Variants in AMIGO2 observed in about 807,000 individuals in gnomAD.
AMIGO2 encodes amphoterin-induced protein 2.
A neutral mutation model predicts 23.7 loss-of-function variants in AMIGO2; 15 were observed. The ratio of observed to expected loss-of-function variants is 0.63; its 90% confidence interval spans 0.42 to 0.98. The LOEUF (loss-of-function observed/expected upper bound fraction) is 0.98. Ranked by LOEUF, AMIGO2 falls within the 50% of genes least tolerant of loss-of-function variation. The pLI, the probability that AMIGO2 is intolerant of heterozygous loss-of-function variation, is 0.00. For synonymous variants in AMIGO2, 264 were observed against 252.3 expected, an observed-to-expected ratio of 1.05 and a Z score of -0.44; for missense variants, 561 against 633.1, an observed-to-expected ratio of 0.89 and a Z score of 1.22.
At position 47,078,213 on chromosome 12, in the gene AMIGO2, A is replaced by T. The variant is rs1172193077; in HGVS notation, c.790T>A (p.Ser264Thr). 1 of 1,614,080 alleles carries T rather than the reference A, an allele frequency of 6.2e-7. No homozygotes were observed. Among genetic ancestry groups the T allele is most frequent in the Admixed American group, 1.7e-5 (1 of 60,004 alleles). ...ACCTGACGCGAGTGCCTGGAGTCAG[A>T]CCACAGGCGACAGGTGTAATCGTTC... ...FKNDYTCRLWSDSRHSRQVLL... is the reference protein window; with the variant it reads ...FKNDYTCRLWTDSRHSRQVLL... The change falls in exon 3 of 3, where the codon TCT (serine) becomes ACT (threonine). Residue 264 changes from serine (S) to threonine (T), a missense_variant. Ser to Thr is a moderately conservative substitution (Grantham distance 58). Coordinates refer to ENST00000550413, the MANE Select transcript of AMIGO2 (RefSeq NM_001370299.1).
Position 47,078,230 on chromosome 12 carries a change from T to C in AMIGO2, c.773A>G (p.Tyr258Cys). 6.2e-7 allele frequency: 1 copy of C among 1,614,156 alleles called. No homozygotes were observed. Among genetic ancestry groups the C allele is most frequent in the Non-Finnish European group, 8.5e-7 (1 of 1,180,028 alleles). ...GGAGTCAGACCACAGGCGACAGGTG[T>C]AATCGTTCTTAAAATCCATCACTGA... ...FSSVMDFKNDYTCRLWSDSRH... is the reference protein window; with the variant it reads ...FSSVMDFKNDCTCRLWSDSRH... Residue 258 changes from tyrosine to cysteine, a missense_variant, in exon 3 of 3, where the codon TAC becomes TGC. Tyr to Cys is a radical substitution (Grantham distance 194). Coordinates refer to ENST00000550413, the MANE Select transcript of AMIGO2 (RefSeq NM_001370299.1).
At position 47,077,729 on chromosome 12, in the gene AMIGO2, T is replaced by C. The variant is rs1941877496; in HGVS notation, c.1274A>G (p.Lys425Arg). ...LYLYLTPCPCKCKTKRQKNML... is the reference protein window; with the variant it reads ...LYLYLTPCPCRCKTKRQKNML... ...ATTTTTCTGTCTCTTGGTTTTACACTTGCAGGGGCATGGAGTCAGATAGAG... is the reference window on the plus strand; with the variant it reads ...ATTTTTCTGTCTCTTGGTTTTACACCTGCAGGGGCATGGAGTCAGATAGAG... Residue 425 changes from lysine (K) to arginine (R), a missense_variant, in exon 3 of 3, where the codon AAG (lysine) becomes AGG (arginine). Coordinates refer to ENST00000550413, the MANE Select transcript of AMIGO2 (RefSeq NM_001370299.1). The C allele has an allele frequency of 1.2e-6, 2 of 1,614,216 alleles. No individual in the cohort carries two copies. Among genetic ancestry groups the C allele is most frequent in the South Asian group, 1.1e-5 (1 of 91,080 alleles).
In AMIGO2 at chr12:47,078,292, G is replaced by A. The variant is rs1490953347; in HGVS notation, c.711C>T (p.Tyr237=). 1.2e-6 allele frequency: 2 copies of A among 1,614,060 alleles called. No homozygotes were observed. Among genetic ancestry groups the A allele is most frequent in the Non-Finnish European group, 1.7e-6 (2 of 1,180,034 alleles). Residue 237 remains tyrosine (Y), a synonymous_variant, in exon 3 of 3, where the codon TAC becomes TAT. Coordinates refer to ENST00000550413, the MANE Select transcript of AMIGO2 (RefSeq NM_001370299.1). ...TACGATACCAAAAGACCAGCAAGGA[G>A]TACAGGGAACAGTCACAGACAAATG... ...GNPFVCDCSL[Y]SLLVFWYRRH...
rs765346570 is a variant in AMIGO2, at chr12:47,077,519, C to A, written c.1484G>T (p.Gly495Val). ...TTTCCCCCTCGTGGACTTTAGGATG[C>A]CCTCAGCTATCACTGCCTCGCTGGG... ...LFPSEAVIAE[G>V]ILKSTRGKSD... Residue 495 changes from glycine (G) to valine (V), a missense_variant, in exon 3 of 3, where the codon GGC becomes GTC. Transcript: ENST00000550413. 1 of 1,614,174 alleles carries A rather than the reference C, an allele frequency of 6.2e-7. No individual in the cohort carries two copies. Among genetic ancestry groups the A allele is most frequent in the Non-Finnish European group, 8.5e-7 (1 of 1,180,020 alleles).
In AMIGO2 at chr12:47,078,346, C is replaced by A; in HGVS notation, c.657G>T (p.Gln219His). The A allele has an allele frequency of 6.2e-7, 1 of 1,613,874 alleles. No homozygotes were observed. The highest frequency in any genetic ancestry group is 8.5e-7 in the Non-Finnish European group (1 of 1,180,030). The change falls in exon 3 of 3, where the codon CAG becomes CAT. Residue 219 changes from glutamine to histidine, a missense_variant. Transcript: ENST00000550413. The part of the protein sequence containing the change: ...MHHINLVPGK[Q>H]LRGIYLHGNP... ...TTCCATGAAGGTAGATGCCTCTCAG[C>A]TGTTTTCCTGGCACTAAATTTATGT...
At position 47,079,185 on chromosome 12, in the gene AMIGO2, A is replaced by C; in HGVS notation, c.-107T>G. 5 of 788,104 alleles carry C rather than the reference A, an allele frequency of 6.3e-6. No individual in the cohort carries two copies. The highest frequency in any genetic ancestry group is 5.7e-6 in the Non-Finnish European group (3 of 523,542). 48.8% of individuals were successfully genotyped at this position (788,104 alleles called of 1,614,324 possible). A position where few individuals can be genotyped will look rare whatever the true frequency, so the allele number is the denominator to read the frequency against. On this transcript the variant is annotated 5_prime_UTR_variant, in exon 2 of 3. In the 5' UTR this introduces an upstream ATG that the reference lacks. Transcript: ENST00000550413. ...ACTTTTGAAATGGGTTTTATTTCAC[A>C]ATAGGGAGCTCTGTGTTGCCTCTTC... is the stretch of plus-strand genomic sequence containing the variant.
At position 47,077,780 on chromosome 12, in the gene AMIGO2, G is replaced by C; in HGVS notation, c.1223C>G (p.Ala408Gly). The C allele has an allele frequency of 6.2e-7, 1 of 1,614,164 alleles. No homozygotes were observed. The highest frequency in any genetic ancestry group is 8.5e-7 in the Non-Finnish European group (1 of 1,180,020). The change falls in exon 3 of 3, where the codon GCC becomes GGC. Residue 408 changes from alanine (A) to glycine (G), a missense_variant. Transcript: ENST00000550413. ...TAFTTLAACV[A>G]SIVLVLLYLY... is the part of the protein sequence containing the mutation. Reference sequence around the variant, plus strand: ...GTACAAAAGTACCAAAACGATACTGGCCACGCAAGCAGCAAGAGTGGTAAA... The same window carrying C: ...GTACAAAAGTACCAAAACGATACTGCCCACGCAAGCAGCAAGAGTGGTAAA...
Position 47,077,809 on chromosome 12 carries a change from T to C in AMIGO2, c.1194A>G (p.Thr398=), listed in dbSNP as rs757948729. The C allele has an allele frequency of 6.2e-7, 1 of 1,614,212 alleles. No individual in the cohort carries two copies. The highest frequency in any genetic ancestry group is 2.2e-5 in the East Asian group (1 of 44,886). The change falls in exon 3 of 3, where the codon ACA becomes ACG. Residue 398 remains threonine (T), a synonymous_variant. Coordinates refer to ENST00000550413, the MANE Select transcript of AMIGO2 (RefSeq NM_001370299.1). ...SRSHAHEAFN[T]AFTTLAACVA... ...CGCAAGCAGCAAGAGTGGTAAAAGCTGTGTTAAATGCCTCATGAGCATGGG... is the reference window on the plus strand; with the variant it reads ...CGCAAGCAGCAAGAGTGGTAAAAGCCGTGTTAAATGCCTCATGAGCATGGG...
Position 47,078,944 on chromosome 12 carries a change from C to A in AMIGO2, c.59G>T (p.Cys20Phe), listed in dbSNP as rs111900491. The change falls in exon 3 of 3, where the codon TGC becomes TTC. Residue 20 changes from cysteine (C) to phenylalanine (F), a missense_variant. Physicochemically the swap from Cys to Phe is radical, Grantham distance 205 (BLOSUM62 -2). Coordinates refer to ENST00000550413, the MANE Select transcript of AMIGO2 (RefSeq NM_001370299.1). ...CATCAGCAAACACAGCAGCTCCCTG[C>A]AGCCCGGTCTGACGACGGCTCCAAG... ...TLLGAVVRPGCRELLCLLMIT... is the reference protein window; with the variant it reads ...TLLGAVVRPGFRELLCLLMIT... 1 of 1,614,034 alleles carries A rather than the reference C, an allele frequency of 6.2e-7. No individual in the cohort carries two copies. The highest frequency in any genetic ancestry group is 2.2e-5 in the East Asian group (1 of 44,870).
chr12:47,079,024 T>G lies in AMIGO2; in HGVS notation c.-22A>C. ...ACATTATGGTCGCCTCTGAGTCTCT[T>G]CCCGGTGTCTTTTCCACCGGCTCAG... On this transcript the variant is annotated 5_prime_UTR_variant, in exon 3 of 3. Coordinates refer to ENST00000550413, the MANE Select transcript of AMIGO2 (RefSeq NM_001370299.1). The G allele has an allele frequency of 6.5e-7, 1 of 1,539,524 alleles. No individual in the cohort carries two copies. Among genetic ancestry groups the G allele is most frequent in the Non-Finnish European group, 8.7e-7 (1 of 1,143,194 alleles).
intron 2 of AMIGO2, 38 bp downstream of exon 2, chr12:47,079,104 G>A (rs550075439): frequency 6.8e-7 from 1 of 1,475,104 alleles, no homozygotes; most frequent in East Asian, 2.3e-5. Context: ...GTAAAAAGCA[G>A]AAACTGACTA....
chr12:47,078,809 T>C lies in AMIGO2; in HGVS notation c.194A>G (p.Asn65Ser). 6.2e-7 allele frequency: 1 copy of C among 1,614,172 alleles called. No individual in the cohort carries two copies. The highest frequency in any genetic ancestry group is 8.5e-7 in the Non-Finnish European group (1 of 1,180,034). ...TNKNLSKVPG[N>S]LFRLIKRLDL... ...CAGTCTCTTAATCAGTCTGAAAAGG[T>C]TCCCAGGCACCTTGGACAGGTTTTT... is the stretch of plus-strand genomic sequence containing the variant. Residue 65 changes from asparagine to serine, a missense_variant, in exon 3 of 3, where the codon AAC (asparagine) becomes AGC (serine). Transcript: ENST00000550413.
downstream of AMIGO2, chr12:47,076,440 T>TAGTA (rs1555186119): frequency 6.6e-6 from 1 of 152,214 alleles, no homozygotes; most frequent in African/African-American, 2.4e-5. Context: ...AAAATCAACT[T>TAGTA]TAAGAATTTT....
Position 47,078,901 on chromosome 12 carries a change from G to A in AMIGO2, c.102C>T (p.Gly34=), listed in dbSNP as rs776926522. Reference sequence around the variant, plus strand: ...TGGGGCACACCCCAGAGGCACCAGGGCCCACAGTCACTGTGATCATCAGCA... The same window carrying A: ...TGGGGCACACCCCAGAGGCACCAGGACCCACAGTCACTGTGATCATCAGCA... ...LCLLMITVTV[G]PGASGVCPTA... Residue 34 remains glycine (G), a synonymous_variant, in exon 3 of 3, where the codon GGC becomes GGT. Coordinates refer to ENST00000550413, the MANE Select transcript of AMIGO2 (RefSeq NM_001370299.1). 1.2e-6 allele frequency: 2 copies of A among 1,614,192 alleles called. No individual in the cohort carries two copies. The highest frequency in any genetic ancestry group is 1.7e-6 in the Non-Finnish European group (2 of 1,180,038).
At position 47,078,653 on chromosome 12, in the gene AMIGO2, G is replaced by A. The variant is rs1941898635; in HGVS notation, c.350C>T (p.Pro117Leu). The A allele has an allele frequency of 6.2e-7, 1 of 1,614,050 alleles. No individual in the cohort carries two copies. Among genetic ancestry groups the A allele is most frequent in the African/African-American group, 1.3e-5 (1 of 74,914 alleles). Residue 117 changes from proline to leucine, a missense_variant, in exon 3 of 3, where the codon CCA (proline) becomes CTA (leucine). Physicochemically the swap from Pro to Leu is moderately conservative, Grantham distance 98. Transcript: ENST00000550413. ...CGATAAGTCAAGACACTTCAAATTT[G>A]GAGTTGTGGAAAAACTGCCCGTGGA... ...SISTGSFSTT[P>L]NLKCLDLSSN...
Position 47,078,949 on chromosome 12 carries a change from C to G in AMIGO2, c.54G>C (p.Pro18=). 6.2e-7 allele frequency: 1 copy of G among 1,613,900 alleles called. No homozygotes were observed. The highest frequency in any genetic ancestry group is 8.5e-7 in the Non-Finnish European group (1 of 1,179,884). ...GCAAACACAGCAGCTCCCTGCAGCC[C>G]GGTCTGACGACGGCTCCAAGCAGGG... ...LPTLLGAVVR[P]GCRELLCLLM... Residue 18 remains proline, a synonymous_variant, in exon 3 of 3, where the codon CCG becomes CCC. Coordinates refer to ENST00000550413, the MANE Select transcript of AMIGO2 (RefSeq NM_001370299.1).
chr12:47,079,915 AC>A lies in AMIGO2; in HGVS notation c.-625del. 6.6e-6 allele frequency: 1 copy of A among 151,034 alleles called. No individual in the cohort carries two copies. Among genetic ancestry groups the A allele is most frequent in the South Asian group, 2.1e-4 (1 of 4,778 alleles). 9.4% of individuals were successfully genotyped at this position (151,034 alleles called of 1,614,324 possible). On this transcript the variant is annotated 5_prime_UTR_variant, in exon 1 of 3. Transcript: ENST00000550413. The stretch of plus-strand genomic sequence containing the variant: ...GGAGACGGGCTGGGGCGCCGGTCCC[AC>A]CCCTGCGCGTCCTGCCTCCTGCGGG...
rs1315743099 is a variant in AMIGO2, at chr12:47,079,774, C to G, written c.-483G>C. 5.3e-5 allele frequency: 8 copies of G among 150,394 alleles called. No homozygotes were observed. In the East Asian group the frequency reaches 5.9e-4, roughly 11 times the overall value. 9.3% of individuals were successfully genotyped at this position (150,394 alleles called of 1,614,324 possible). On this transcript the variant is annotated 5_prime_UTR_variant, in exon 1 of 3. Transcript: ENST00000550413. The stretch of plus-strand genomic sequence containing the variant: ...CCGTGTGCCCGCGCGCGGGGCGCCC[C>G]GCTCCCAGAGCCGGGGCCGCGGGAG...
Position 47,077,895 on chromosome 12 carries a change from G to A in AMIGO2, c.1108C>T (p.Arg370Cys). The change falls in exon 3 of 3, where the codon CGC becomes TGC. Residue 370 changes from arginine to cysteine, a missense_variant. Transcript: ENST00000550413. ...VYSCIAMNKQ[R>C]LLNETVDVTI... is the part of the protein sequence containing the mutation. ...ACGTCCACAGTTTCATTTAACAGGC[G>A]TTGCTTATTCATTGCGATACAAGAA... The A allele has an allele frequency of 1.2e-6, 2 of 1,614,068 alleles. No individual in the cohort carries two copies. Among genetic ancestry groups the A allele is most frequent in the South Asian group, 1.1e-5 (1 of 91,084 alleles).
Sources: gnomAD v4.1 joint callset for allele counts on GRCh38, gnomAD v4.1.1 for gene constraint, MANE v1.5 for transcripts, NCBI Gene and HGNC (gene_info 2026-07-23, HGNC 2026-07-21) for gene names.